The following STK32A variants were observed in gnomAD, a reference collection of about 807,000 sequenced individuals.
STK32A encodes serine/threonine-protein kinase 32A.
In STK32A, 41 loss-of-function variants were observed where a neutral mutation model predicts 53.2. The observed-to-expected ratio is 0.77, with a 90% CI of 0.60 to 1.00. The LOEUF (loss-of-function observed/expected upper bound fraction) is 1.00, where lower values mean the gene tolerates loss of function less well. Among genes scored for constraint, STK32A ranks in the 50% least tolerant of loss-of-function variants. The pLI is 0.00. For missense variants in STK32A, 458 were observed against 485.8 expected, an observed-to-expected ratio of 0.94 and a Z score of 0.54; for synonymous variants, 166 against 162.8, an observed-to-expected ratio of 1.02 and a Z score of -0.15.
At chr5:147,257,262 G>A (rs1373765648) in intron 2 of STK32A, among the ~76,000 whole-genome samples, 1 of 151,336 alleles carries the variant, frequency 6.6e-6, no homozygotes, top group African/African-American at 2.4e-5. Flanking sequence ...GGGGCGGGGG[G>A]TAGGACTCTG....
intron 8 of STK32A, among the ~76,000 whole-genome samples, chr5:147,362,300 T>A (rs534544274): frequency 6.6e-6 from 1 of 152,360 alleles, no homozygotes; most frequent in African/African-American, 2.4e-5. Context: ...TTTTCTTGGT[T>A]ATGGAGGTTG....
the STK32A span, chr5:147,400,564 G>A: frequency 7.8e-7 from 1 of 1,282,610 alleles, no homozygotes; most frequent in African/African-American, 1.5e-5. Context: ...TGGTTCCAGA[G>A]ACATCTCAGC....
intron 4 of STK32A, among the ~76,000 whole-genome samples, chr5:147,320,080 C>T (rs1228882924): frequency 6.6e-6 from 1 of 152,124 alleles, no homozygotes; most frequent in African/African-American, 2.4e-5. Context: ...AGCATTTATC[C>T]TATGTTATTC....
chr5:147,290,612 T>C (rs1752555627), intron 4 of STK32A, among the ~76,000 whole-genome samples: 1 of 152,168 alleles, frequency 6.6e-6, no homozygotes, highest in South Asian at 2.1e-4. Flanking sequence ...TTTACTCATG[T>C]CTTTGTCCCT....
rs1302208137 is a variant in STK32A, at chr5:147,384,790, T to G, written c.*807T>G. On this transcript the variant is annotated 3_prime_UTR_variant, in exon 13 of 13. Coordinates refer to ENST00000397936, the MANE Select transcript of STK32A (RefSeq NM_001112724.2). ...TGAGGGCTAATTGTCCTCTGAAGATTAGCAGAGACCTGTATCTGGAGAGGA... is the reference window on the plus strand; with the variant it reads ...TGAGGGCTAATTGTCCTCTGAAGATGAGCAGAGACCTGTATCTGGAGAGGA... 1 of 212,152 alleles carries G rather than the reference T, an allele frequency of 4.7e-6. No individual in the cohort carries two copies. 13.1% of individuals were successfully genotyped at this position (212,152 alleles called of 1,614,324 possible). A position where few individuals can be genotyped will look rare whatever the true frequency, so the allele number is the denominator to read the frequency against.
chr5:147,334,963 C>G (rs1755046211), intron 5 of STK32A, among the ~76,000 whole-genome samples: 1 of 152,088 alleles, frequency 6.6e-6, no homozygotes, highest in African/African-American at 2.4e-5. Context: ...ATGTTTTTTC[C>G]CTTTTGTACA....
At chr5:147,317,261 G>T (rs574806184) in intron 4 of STK32A, among the ~76,000 whole-genome samples, 1 of 151,216 alleles carries the variant, frequency 6.6e-6, no homozygotes, top group South Asian at 2.1e-4. Context: ...GAAGGCAATC[G>T]GCAAAGTCCA....
Position 147,239,651 on chromosome 5 carries a change from C to A in STK32A, c.17C>A (p.Ser6Ter). The change falls in exon 2 of 13, where the codon TCA (serine) becomes TAA (stop). Residue 6 changes from serine to a stop codon, truncating the protein, a stop_gained. Transcript: ENST00000397936. LOFTEE classifies it high-confidence loss of function. ...GATTCAACCATGGGAGCGAACACTTCAAGAAAACCACCAGTGTTTGATGAA... is the reference window on the plus strand; with the variant it reads ...GATTCAACCATGGGAGCGAACACTTAAAGAAAACCACCAGTGTTTGATGAA... The part of the protein sequence containing the change: MGANT[S>*]RKPPVFDENE... 1 of 1,608,396 alleles carries A rather than the reference C, an allele frequency of 6.2e-7. No homozygotes were observed. The highest frequency in any genetic ancestry group is 1.7e-5 in the Admixed American group (1 of 59,426).
intron 5 of STK32A, among the ~76,000 whole-genome samples, chr5:147,340,457 C>A (rs1358231458): frequency 6.6e-6 from 1 of 152,146 alleles, no homozygotes; most frequent in Non-Finnish European, 1.5e-5. Flanking sequence ...CTTGAGAAGA[C>A]TGAAAAGGTA....
chr5:147,314,507 C>CAAAAA (rs1299138229), intron 4 of STK32A, among the ~76,000 whole-genome samples: 1 of 12,768 alleles, frequency 7.8e-5, no homozygotes, highest in African/African-American at 1.4e-4. Flanking sequence ...TCAAAAAAAA[C>CAAAAA]AAAAAAAAAC....
Sources: gnomAD v4.1 joint callset for allele counts (sites outside exome capture counted in the v4.1 genomes callset) on GRCh38, gnomAD v4.1.1 for gene constraint, MANE v1.5 for transcripts, NCBI Gene and HGNC (gene_info 2026-07-23, HGNC 2026-07-21) for gene names.